NYAP1: variants seen among roughly 807,000 people sequenced by gnomAD.
NYAP1 encodes the protein neuronal tyrosine-phosphorylated phosphoinositide-3-kinase adapter 1.
In NYAP1, 20 loss-of-function variants were observed where a neutral mutation model predicts 58.6. The ratio of observed to expected loss-of-function variants is 0.34; its 90% CI spans 0.24 to 0.50. The LOEUF is 0.50. Among genes scored for constraint, NYAP1 ranks in the 20% least tolerant of loss-of-function variants. NYAP1 has a pLI of 0.98. For missense variants in NYAP1, 1,150 were observed against 1,194.5 expected, an observed-to-expected ratio of 0.96 and a Z score of 0.55; for synonymous variants, 572 against 523.1, an observed-to-expected ratio of 1.09 and a Z score of -1.27.
In NYAP1 at chr7:100,488,441, G is replaced by A; in HGVS notation, c.720G>A (p.Gly240=). 1.2e-6 allele frequency: 2 copies of A among 1,604,498 alleles called. No individual in the cohort carries two copies. The highest frequency in any genetic ancestry group is 1.7e-6 in the Non-Finnish European group (2 of 1,176,032). The change falls in exon 4 of 7, where the codon GGG becomes GGA. Residue 240 remains glycine (G), a synonymous_variant. Coordinates refer to ENST00000300179, the MANE Select transcript of NYAP1 (RefSeq NM_173564.4). The surrounding 1 kb of genome is among the most constrained non-coding windows in gnomAD (Gnocchi z 5.9). ...SGGGLAGPPL[G]GGGPTPPAGA... Reference sequence around the variant, plus strand: ...GAGGCCTGGCTGGGCCCCCTCTTGGGGGTGGGGGCCCGACCCCTCCAGCGG... The same window carrying A: ...GAGGCCTGGCTGGGCCCCCTCTTGGAGGTGGGGGCCCGACCCCTCCAGCGG...
Position 100,494,186 on chromosome 7 carries a change from T to G in NYAP1, c.*283T>G. 2.7e-6 allele frequency: 1 copy of G among 375,304 alleles called. No individual in the cohort carries two copies. The highest frequency in any genetic ancestry group is 4.7e-6 in the Non-Finnish European group (1 of 210,678). The allele number at this position is 375,304 out of a possible 1,614,324, so 23.2% of individuals were successfully genotyped here. On this transcript the variant is annotated 3_prime_UTR_variant, in exon 7 of 7. Coordinates refer to ENST00000300179, the MANE Select transcript of NYAP1 (RefSeq NM_173564.4). Reference sequence around the variant, plus strand: ...CCCGCTGGGCGTTGTACACCCCTCCTCCTGAACCAAGCCAGAGGTCAGCAT... The same window carrying G: ...CCCGCTGGGCGTTGTACACCCCTCCGCCTGAACCAAGCCAGAGGTCAGCAT...
rs1226712746 is a variant in NYAP1, at chr7:100,487,796, T to C, written c.431-356T>C. On this transcript the variant is annotated intron_variant, in intron 3 of 6. Coordinates refer to ENST00000300179, the MANE Select transcript of NYAP1 (RefSeq NM_173564.4). This position sits in a 1 kb window ranked among gnomAD's most constrained non-coding sequence, Gnocchi z 4.1. ...TGCTGGGATTACAGGCGTGAGCCAC[T>C]GTGCTTGGCCAATTAATTGACGTTT... Among the ~76,000 whole-genome samples the C allele has an allele frequency of 6.6e-6, 1 of 152,154 alleles. No homozygotes were observed. The highest frequency in any genetic ancestry group is 1.5e-5 in the Non-Finnish European group (1 of 68,030).
In NYAP1 at chr7:100,488,168, C is replaced by T; in HGVS notation, c.447C>T (p.Thr149=). The T allele has an allele frequency of 1.3e-6, 2 of 1,595,824 alleles. No individual in the cohort carries two copies. The highest frequency in any genetic ancestry group is 1.7e-6 in the Non-Finnish European group (2 of 1,173,830). ...CCTGTCCAGGCTCACAGAAGCCAAC[C>T]CCAGAGGGCCGAGAGTCCAGCCGGA... ...PSKKAGSQKP[T]PEGRESSRKV... Residue 149 remains threonine, a synonymous_variant, in exon 4 of 7, where the codon ACC becomes ACT. Coordinates refer to ENST00000300179, the MANE Select transcript of NYAP1 (RefSeq NM_173564.4). This position sits in a 1 kb window ranked among gnomAD's most constrained non-coding sequence, Gnocchi z 5.9.
rs907273624 is a variant in NYAP1 at position 100,490,786 on chromosome 7, G to T, written c.2158+57G>T. 29 of 1,421,784 alleles carry T rather than the reference G, an allele frequency of 2.0e-5. No homozygotes were observed. Among genetic ancestry groups the T allele is most frequent in the East Asian group, 1.0e-4 (4 of 40,032 alleles). 88.1% of individuals were successfully genotyped at this position (1,421,784 alleles called of 1,614,324 possible). On this transcript the variant is annotated intron_variant, in intron 5 of 6. Transcript: ENST00000300179. This position sits in a 1 kb window ranked among gnomAD's most constrained non-coding sequence, Gnocchi z 4.6. ...GGGGCTGGCTGGGGGATCTCCCGGG[G>T]TCTAGCTGCACCTGTCCTGACTTCC...
chr7:100,486,703 C>T lies in NYAP1; in HGVS notation c.69-118C>T. 1 of 1,238,960 alleles carries T rather than the reference C, an allele frequency of 8.1e-7. No homozygotes were observed. The highest frequency in any genetic ancestry group is 1.1e-6 in the Non-Finnish European group (1 of 941,460). 76.7% of individuals were successfully genotyped at this position (1,238,960 alleles called of 1,614,324 possible). On this transcript the variant is annotated intron_variant, in intron 2 of 6. Coordinates refer to ENST00000300179, the MANE Select transcript of NYAP1 (RefSeq NM_173564.4). The surrounding 1 kb of genome is among the most constrained non-coding windows in gnomAD (Gnocchi z 6.2). Reference sequence around the variant, plus strand: ...ACCTTCTGGCAACCCTGTCCCCACCCAGGCTCCCGTCCTCTTCCCTGGGAA... The same window carrying T: ...ACCTTCTGGCAACCCTGTCCCCACCTAGGCTCCCGTCCTCTTCCCTGGGAA...
At position 100,494,159 on chromosome 7, in the gene NYAP1, T is replaced by G; in HGVS notation, c.*256T>G. The G allele has an allele frequency of 2.7e-5, 12 of 439,244 alleles. No individual in the cohort carries two copies. The highest frequency in any genetic ancestry group is 4.0e-5 in the Non-Finnish European group (10 of 249,740). 27.2% of individuals were successfully genotyped at this position (439,244 alleles called of 1,614,324 possible). ...GGGGCGAGAGTCGCTCTGGCTGTTC[T>G]TCCCGCTGGGCGTTGTACACCCCTC... On this transcript the variant is annotated 3_prime_UTR_variant, in exon 7 of 7. Transcript: ENST00000300179.
rs779456074 is a variant in NYAP1 at position 100,489,259 on chromosome 7, C to T, written c.1538C>T (p.Pro513Leu). The T allele has an allele frequency of 8.1e-6, 13 of 1,603,002 alleles. No homozygotes were observed. The East Asian group carries it at 2.7e-4, about 33-fold the overall frequency. The change falls in exon 4 of 7, where the codon CCC becomes CTC. Residue 513 changes from proline (P) to leucine (L), a missense_variant. Transcript: ENST00000300179. ...CCCCCTGTGCCAGGGAAGACCAGCC[C>T]CCACGGTGGGGCCATGGGCGCAGCA... ...SRPPVPGKTS[P>L]HGGAMGAAAG... is the part of the protein sequence containing the mutation.
Position 100,486,895 on chromosome 7 carries a change from A to G in NYAP1, c.143A>G (p.Asp48Gly). ...AGQGPGVRVR[D>G]IASLRRSLRM... ...CAGGGGCCTGGGGTCCGCGTGCGGG[A>G]CATCGCCTCGCTGCGGCGCTCCCTC... is the stretch of plus-strand genomic sequence containing the variant. Residue 48 changes from aspartate (D) to glycine (G), a missense_variant, in exon 3 of 7, where the codon GAC becomes GGC. Asp to Gly is a moderately conservative substitution (Grantham distance 94). Transcript: ENST00000300179. This position sits in a 1 kb window ranked among gnomAD's most constrained non-coding sequence, Gnocchi z 6.2. 1 of 1,574,912 alleles carries G rather than the reference A, an allele frequency of 6.3e-7. No individual in the cohort carries two copies. The highest frequency in any genetic ancestry group is 8.6e-7 in the Non-Finnish European group (1 of 1,163,524).
Position 100,490,430 on chromosome 7 carries a change from TC to T in NYAP1, c.1946-85del, listed in dbSNP as rs1430947282. 112 of 1,276,018 alleles carry T rather than the reference TC, an allele frequency of 8.8e-5. 1 individual carries two copies. The highest frequency in any genetic ancestry group is 1.2e-4 in the Non-Finnish European group (106 of 897,552). The allele number at this position is 1,276,018 out of a possible 1,614,324, so 79.0% of individuals were successfully genotyped here. ...CAAAAGGGGCAATTGTGTCTCCTGG[TC>T]CACCCATACTGCAGCATGTGTGGCC... On this transcript the variant is annotated intron_variant, in intron 4 of 6. Coordinates refer to ENST00000300179, the MANE Select transcript of NYAP1 (RefSeq NM_173564.4). This position sits in a 1 kb window ranked among gnomAD's most constrained non-coding sequence, Gnocchi z 4.6.
At position 100,493,680 on chromosome 7, in the gene NYAP1, C is replaced by T. The variant is rs747729587; in HGVS notation, c.2303C>T (p.Pro768Leu). 8 of 1,588,754 alleles carry T rather than the reference C, an allele frequency of 5.0e-6. No homozygotes were observed. Among genetic ancestry groups the T allele is most frequent in the Admixed American group, 3.5e-5 (2 of 57,776 alleles). ...HPALPLPLPL[P>L]PQPARERDGK... ...GCGCTGCCGCTGCCTCTGCCCCTGC[C>T]GCCCCAGCCGGCCCGCGAGCGTGAC... is the stretch of plus-strand genomic sequence containing the variant. Residue 768 changes from proline (P) to leucine (L), a missense_variant, in exon 7 of 7, where the codon CCG (proline) becomes CTG (leucine). Transcript: ENST00000300179.
chr7:100,493,326 A>C (rs1799822239), intron 6 of NYAP1, among the ~76,000 whole-genome samples: 1 of 152,094 alleles, frequency 6.6e-6, no homozygotes. Flanking sequence ...GCACCACTGC[A>C]CTCTGGCCTG....
In NYAP1 at chr7:100,483,984, C is replaced by T. The variant is rs1235735033; in HGVS notation, c.-102C>T. ...CGGGCGGAGCCCGGCATGGGGGGGCCGGCGCCCGGCAGGCCAGGTACGGTG... is the reference window on the plus strand; with the variant it reads ...CGGGCGGAGCCCGGCATGGGGGGGCTGGCGCCCGGCAGGCCAGGTACGGTG... On this transcript the variant is annotated 5_prime_UTR_variant, in exon 1 of 7. Coordinates refer to ENST00000300179, the MANE Select transcript of NYAP1 (RefSeq NM_173564.4). The surrounding 1 kb of genome is among the most constrained non-coding windows in gnomAD (Gnocchi z 4.2). 1 of 153,286 alleles carries T rather than the reference C, an allele frequency of 6.5e-6. No homozygotes were observed. The highest frequency in any genetic ancestry group is 1.5e-5 in the Non-Finnish European group (1 of 68,860). The allele number at this position is 153,286 out of a possible 1,614,324, so 9.5% of individuals were successfully genotyped here.
chr7:100,488,870 T>G lies in NYAP1; in HGVS notation c.1149T>G (p.Pro383=), dbSNP rs1799745678. 1 of 1,598,214 alleles carries G rather than the reference T, an allele frequency of 6.3e-7. No homozygotes were observed. Among genetic ancestry groups the G allele is most frequent in the Admixed American group, 1.7e-5 (1 of 57,332 alleles). Residue 383 remains proline (P), a synonymous_variant, in exon 4 of 7, where the codon CCT becomes CCG. Coordinates refer to ENST00000300179, the MANE Select transcript of NYAP1 (RefSeq NM_173564.4). This position sits in a 1 kb window ranked among gnomAD's most constrained non-coding sequence, Gnocchi z 5.9. ...TGCCTGCACGGGAGCGGGAGACGCCTCCCCCACCGCCTCCACCTCCTGCTG... is the reference window on the plus strand; with the variant it reads ...TGCCTGCACGGGAGCGGGAGACGCCGCCCCCACCGCCTCCACCTCCTGCTG... ...PQVPARERET[P]PPPPPPPAAN...
In NYAP1 at chr7:100,489,082, A is replaced by G. The variant is rs1197046712; in HGVS notation, c.1361A>G (p.Lys454Arg). The change falls in exon 4 of 7, where the codon AAG (lysine) becomes AGG (arginine). Residue 454 changes from lysine to arginine, a missense_variant. Lys to Arg is a conservative substitution (Grantham distance 26). Coordinates refer to ENST00000300179, the MANE Select transcript of NYAP1 (RefSeq NM_173564.4). ...GCCGCCTTGCTCCCCGGCCCCCCCA[A>G]GGACAAGGCCGTGTCTTACACCATG... Reference protein sequence around the residue: ...APAALLPGPPKDKAVSYTMVY... With the variant: ...APAALLPGPPRDKAVSYTMVY... 3 of 1,554,760 alleles carry G rather than the reference A, an allele frequency of 1.9e-6. No homozygotes were observed. The highest frequency in any genetic ancestry group is 2.4e-5 in the East Asian group (1 of 42,048).
intron 6 of NYAP1, among the ~76,000 whole-genome samples, chr7:100,492,382 T>C (rs1486585809): frequency 6.6e-6 from 1 of 152,142 alleles, no homozygotes; most frequent in Non-Finnish European, 1.5e-5. Flanking sequence ...AGGGCCCAGC[T>C]TGGAGATCAG....
chr7:100,485,440 G>A lies in NYAP1; in HGVS notation c.68+61G>A. The A allele has an allele frequency of 5.2e-6, 7 of 1,346,860 alleles. No homozygotes were observed. The highest frequency in any genetic ancestry group is 6.2e-6 in the Non-Finnish European group (6 of 964,364). 83.4% of individuals were successfully genotyped at this position (1,346,860 alleles called of 1,614,324 possible). On this transcript the variant is annotated intron_variant, in intron 2 of 6. Transcript: ENST00000300179. This position sits in a 1 kb window ranked among gnomAD's most constrained non-coding sequence, Gnocchi z 5.7. ...GCACCTCTGCCTGCCCCCTCACTGG[G>A]CCACAGCCCTTCTCGGGGGCCGGCA... is the stretch of plus-strand genomic sequence containing the variant.
chr7:100,490,862 T>C lies in NYAP1; in HGVS notation c.2159-124T>C. ...GGGCCCTAAATCCTCATACCACATC[T>C]CCACCCCTTTTTCCCTTCTGATGAG... On this transcript the variant is annotated intron_variant, in intron 5 of 6. Coordinates refer to ENST00000300179, the MANE Select transcript of NYAP1 (RefSeq NM_173564.4). This position sits in a 1 kb window ranked among gnomAD's most constrained non-coding sequence, Gnocchi z 4.6. 1 of 1,065,010 alleles carries C rather than the reference T, an allele frequency of 9.4e-7. No homozygotes were observed. Among genetic ancestry groups the C allele is most frequent in the Non-Finnish European group, 1.3e-6 (1 of 742,988 alleles). The allele number at this position is 1,065,010 out of a possible 1,614,324, so 66.0% of individuals were successfully genotyped here.
In NYAP1 at chr7:100,487,608, TCTC is replaced by T. The variant is rs1799725477; in HGVS notation, c.430+429_430+431del. Among the ~76,000 whole-genome samples, 1 of 152,068 alleles carries T rather than the reference TCTC, an allele frequency of 6.6e-6. No individual in the cohort carries two copies. The highest frequency in any genetic ancestry group is 2.4e-5 in the African/African-American group (1 of 41,422). On this transcript the variant is annotated intron_variant, in intron 3 of 6. Transcript: ENST00000300179. The surrounding 1 kb of genome is among the most constrained non-coding windows in gnomAD (Gnocchi z 4.1). ...CCTCCGCCTCCCAGGTTCAAGCAGT[TCTC>T]CTGCCTCAGCCTCCCAGGTAGCTGG... is the stretch of plus-strand genomic sequence containing the variant.
Position 100,494,024 on chromosome 7 carries a change from CT to C in NYAP1, c.*122del, listed in dbSNP as rs1378825461. ...CGTGGGAGAGTGCCAGGGAGAACCC[CT>C]GCCCTCCAACCTACCCCCCGGGATG... On this transcript the variant is annotated 3_prime_UTR_variant, in exon 7 of 7. Coordinates refer to ENST00000300179, the MANE Select transcript of NYAP1 (RefSeq NM_173564.4). 4.4e-6 allele frequency: 4 copies of C among 904,926 alleles called. No homozygotes were observed. The highest frequency in any genetic ancestry group is 6.2e-6 in the Non-Finnish European group (4 of 643,112). 56.1% of individuals were successfully genotyped at this position (904,926 alleles called of 1,614,324 possible).
Sources: gnomAD v4.1 joint callset for allele counts (sites outside exome capture counted in the v4.1 genomes callset) on GRCh38, gnomAD v4.1.1 for gene constraint, Gnocchi (gnomAD v3.1) non-coding constraint, MANE v1.5 for transcripts, NCBI Gene and HGNC (gene_info 2026-07-23, HGNC 2026-07-21) for gene names.